The following DAAM2 variants were observed in gnomAD, a reference collection of about 807,000 sequenced individuals.
DAAM2 encodes the protein disheveled-associated activator of morphogenesis 2.
A neutral mutation model predicts 120.7 loss-of-function variants in DAAM2; 39 were observed. The observed-to-expected ratio is 0.32, with a 90% confidence interval of 0.25 to 0.42. The LOEUF (loss-of-function observed/expected upper bound fraction) is 0.42, where lower values mean the gene tolerates loss of function less well. Ranked by LOEUF, DAAM2 falls within the 10% of genes least tolerant of loss-of-function variation. The probability of loss-of-function intolerance (pLI) is 1.00; values close to 1 mark genes in which losing one functional copy is unlikely to be tolerated. For missense variants in DAAM2, 1,283 were observed against 1,401.7 expected (o/e 0.92, Z 1.35); for synonymous variants, 488 against 524.9 (o/e 0.93, Z 0.96).
intron 1 of DAAM2, among the ~76,000 whole-genome samples, chr6:39,852,691 A>T (rs898299249): frequency 2.0e-5 from 3 of 152,212 alleles, no homozygotes; most frequent in Non-Finnish European, 4.4e-5. Context: ...AGACCCTGTG[A>T]TCAGGGTGTC....
chr6:39,826,404 A>C (rs1324167328), intron 1 of DAAM2, among the ~76,000 whole-genome samples: 1 of 152,112 alleles, frequency 6.6e-6, no homozygotes, highest in African/African-American at 2.4e-5. Flanking sequence ...AGTCTCTTAA[A>C]AGGTGAGCAT....
intron 1 of DAAM2, among the ~76,000 whole-genome samples, chr6:39,829,463 A>AT (rs892414777): frequency 2.6e-5 from 4 of 152,150 alleles, no homozygotes; most frequent in African/African-American, 7.2e-5. Context: ...ACAGAACCCC[A>AT]TGGTTGGTTC....
At chr6:39,896,542 T>C (rs1766104573) in intron 19 of DAAM2, among the ~76,000 whole-genome samples, 1 of 152,172 alleles carries the variant, frequency 6.6e-6, no homozygotes, top group Admixed American at 6.5e-5. Context: ...AAAGATCTTC[T>C]GAAATTGTCT....
chr6:39,794,520 A>G (rs1258868357), intron 1 of DAAM2, among the ~76,000 whole-genome samples: 3 of 152,174 alleles, frequency 2.0e-5, no homozygotes, highest in Non-Finnish European at 2.9e-5. Context: ...GAACTTAGAG[A>G]GTCAGGGGCT....
At chr6:39,875,073 A>C (rs2149322337) in intron 10 of DAAM2, among the ~76,000 whole-genome samples, 1 of 152,310 alleles carries the variant, frequency 6.6e-6, no homozygotes, top group African/African-American at 2.4e-5. Flanking sequence ...GCAGCCAGAA[A>C]GTATTTCAGG....
intron 5 of DAAM2, among the ~76,000 whole-genome samples, chr6:39,866,365 TA>T (rs375149171): frequency 0.021 from 3,172 of 152,288 alleles, 104 homozygotes; most frequent in African/African-American, 0.072. Context: ...TAGAAAAAAG[TA>T]AAAAAATAGC....
chr6:39,873,414 T>TC (rs1764744068), intron 10 of DAAM2, 59 bp downstream of exon 10: 2 of 1,232,930 alleles, frequency 1.6e-6, no homozygotes, highest in Non-Finnish European at 2.4e-6. Context: ...TTGGGGCAGG[T>TC]TTAGACAAGA....
At chr6:39,873,160 A>G in intron 9 of DAAM2, 78 bp from the exon 10 acceptor site, 1 of 918,238 alleles carries the variant, frequency 1.1e-6, no homozygotes, top group Admixed American at 2.0e-5. Context: ...GGCATAGTGG[A>G]TGGAAGCAGG....
At position 39,856,017 on chromosome 6, in the gene DAAM2, C is replaced by T. The variant is rs192354474; in HGVS notation, c.-56-230C>T. The T allele has an allele frequency of 1.4e-4, 139 of 984,544 alleles. No homozygotes were observed. The African/African-American group carries it at 2.3e-3, about 16-fold the overall frequency. The allele number at this position is 984,544 out of a possible 1,614,324, so 61.0% of individuals were successfully genotyped here. On this transcript the variant is annotated intron_variant, in intron 1 of 24. Transcript: ENST00000274867. Reference sequence around the variant, plus strand: ...AATATGAAAGTGTCTTGGCAGATAACACTCAGAGGACATGGTGGGGAGGAT... The same window carrying T: ...AATATGAAAGTGTCTTGGCAGATAATACTCAGAGGACATGGTGGGGAGGAT...
intron 1 of DAAM2, among the ~76,000 whole-genome samples, chr6:39,808,208 C>T (rs1762064527): frequency 6.6e-6 from 1 of 151,896 alleles, no homozygotes; most frequent in Non-Finnish European, 1.5e-5. Flanking sequence ...ACTTTTGCAC[C>T]AACCTAATAG....
intron 1 of DAAM2, among the ~76,000 whole-genome samples, chr6:39,827,448 G>A (rs1762714534): frequency 1.3e-5 from 2 of 152,182 alleles, no homozygotes; most frequent in East Asian, 1.9e-4. Flanking sequence ...AGGAGCTGAA[G>A]TGGGGCGGGG....
chr6:39,881,828 G>T (rs1468283906), intron 14 of DAAM2: 1 of 151,990 alleles, frequency 6.6e-6, no homozygotes, highest in African/African-American at 2.4e-5. Flanking sequence ...ATTATTATTA[G>T]TGGCCCTACC....
At chr6:39,798,319 A>G (rs184250164) in intron 1 of DAAM2, among the ~76,000 whole-genome samples, 51 of 152,346 alleles carry the variant, frequency 3.3e-4, no homozygotes, top group Non-Finnish European at 4.0e-4. Flanking sequence ...TACCTCCCTC[A>G]TAGGATGACT....
intron 22 of DAAM2, 137 bp from the exon 23 acceptor site, chr6:39,899,940 T>C (rs1244181190): frequency 1.0e-6 from 1 of 988,498 alleles, no homozygotes. Flanking sequence ...TTGCCATCCT[T>C]AGAACTTTGA....
At chr6:39,820,940 G>A (rs1297359270) in intron 1 of DAAM2, 2 of 152,234 alleles carry the variant, frequency 1.3e-5, no homozygotes, top group African/African-American at 4.8e-5. Context: ...GGTGAGTTCA[G>A]CCCTAGAGGA....
chr6:39,832,243 A>C (rs1488927849), intron 1 of DAAM2, among the ~76,000 whole-genome samples: 1 of 151,980 alleles, frequency 6.6e-6, no homozygotes, highest in East Asian at 1.9e-4. Context: ...GTGTCAAATA[A>C]GGAGAGGATG....
rs772308516 is a variant in DAAM2, at chr6:39,867,520, C to T, written c.439C>T (p.Arg147Cys). The T allele has an allele frequency of 3.4e-5, 55 of 1,613,530 alleles. No individual in the cohort carries two copies. Among genetic ancestry groups the T allele is most frequent in the South Asian group, 7.7e-5 (7 of 91,076 alleles). Reference sequence around the variant, plus strand: ...GGCTCTGATTTGTAGGTTTGTGACCCGCTTCATTGAGCTGGAGGGCTTGAC... The same window carrying T: ...GGCTCTGATTTGTAGGTTTGTGACCTGCTTCATTGAGCTGGAGGGCTTGAC... ...LRTQPMRFVT[R>C]FIELEGLTCL... The change falls in exon 6 of 25, where the codon CGC (arginine) becomes TGC (cysteine). Residue 147 changes from arginine to cysteine, a missense_variant. Arg to Cys is a radical substitution (Grantham distance 180). This residue lies in a region of DAAM2 where 338 missense variants were observed against 443.9 expected (regional missense o/e 0.76). Coordinates refer to ENST00000274867, the MANE Select transcript of DAAM2 (RefSeq NM_001201427.2).
intron 1 of DAAM2, among the ~76,000 whole-genome samples, chr6:39,802,449 AAAAAG>A (rs559831231): frequency 2.8e-4 from 42 of 152,340 alleles, no homozygotes; most frequent in Middle Eastern, 3.4e-3. Context: ...TTGGTTAAAA[AAAAAG>A]AAAAAAGAAA....
Position 39,887,315 on chromosome 6 carries a change from G to A in DAAM2, c.1954-171G>A, listed in dbSNP as rs79453208. On this transcript the variant is annotated intron_variant, in intron 15 of 24. Transcript: ENST00000274867. ...AGCCTATGGAAAAGTCCCAGATACC[G>A]TCTCTTAAAGTTAGCTATTATCCAC... is the stretch of plus-strand genomic sequence containing the variant. 3,387 of 556,098 alleles carry A rather than the reference G, an allele frequency of 6.1e-3. 97 individuals are homozygous for A. The highest frequency in any genetic ancestry group is 0.059 in the African/African-American group (3,084 of 52,406). 34.4% of individuals were successfully genotyped at this position (556,098 alleles called of 1,614,324 possible). A position where few individuals can be genotyped will look rare whatever the true frequency, so the allele number is the denominator to read the frequency against.
Sources: allele counts gnomAD v4.1 joint callset (sites outside exome capture counted in the v4.1 genomes callset), GRCh38; gene constraint gnomAD v4.1.1; regional missense constraint gnomAD v4.1.1; transcripts MANE v1.5; gene names NCBI Gene and HGNC (gene_info 2026-07-23, HGNC 2026-07-21).